The following SND1 variants were observed in gnomAD, a reference collection of about 807,000 sequenced individuals.
The protein encoded by SND1 is staphylococcal nuclease domain-containing protein 1.
In SND1, 38 loss-of-function variants were observed where a neutral mutation model predicts 121.7. The ratio of observed to expected loss-of-function variants is 0.31; its 90% CI spans 0.24 to 0.41. SND1 has a LOEUF of 0.41. Ranked by LOEUF, SND1 falls within the 10% of genes least tolerant of loss-of-function variation. The pLI is 1.00. For synonymous variants in SND1, 401 were observed against 447.4 expected (o/e 0.90, Z 1.31); for missense variants, 868 against 1,184.6 (o/e 0.73, Z 3.92).
At position 128,075,866 on chromosome 7, in the gene SND1, C is replaced by T. The variant is rs563943884; in HGVS notation, c.1968+1176C>T. ...CAGCTCCTATAGGAAAGGAGTCACACGGCTTCTTCCTGGATTTCCTGCTTG... is the reference window on the plus strand; with the variant it reads ...CAGCTCCTATAGGAAAGGAGTCACATGGCTTCTTCCTGGATTTCCTGCTTG... On this transcript the variant is annotated intron_variant, in intron 17 of 23. Coordinates refer to ENST00000354725, the MANE Select transcript of SND1 (RefSeq NM_014390.4). Among the ~76,000 whole-genome samples, 13 of 152,372 alleles carry T rather than the reference C, an allele frequency of 8.5e-5. 1 individual carries two copies. Among genetic ancestry groups the T allele is most frequent in the South Asian group, 4.1e-4 (2 of 4,830 alleles).
chr7:127,977,212 G>T (rs1391618390), intron 15 of SND1, among the ~76,000 whole-genome samples: 1 of 152,162 alleles, frequency 6.6e-6, no homozygotes, highest in African/African-American at 2.4e-5. Flanking sequence ...CAACTAGAAA[G>T]ATATTTTCAG....
At chr7:127,808,750 C>T (rs959180747) in intron 11 of SND1, among the ~76,000 whole-genome samples, 2 of 152,146 alleles carry the variant, frequency 1.3e-5, no homozygotes, top group Non-Finnish European at 2.9e-5. Context: ...AGGTGGAGTA[C>T]GAATGATGGC....
chr7:127,885,512 C>T (rs1799886284), intron 12 of SND1, among the ~76,000 whole-genome samples: 1 of 152,046 alleles, frequency 6.6e-6, no homozygotes, highest in Non-Finnish European at 1.5e-5. Flanking sequence ...ATTTGGGAAT[C>T]TAAGGCCTCA....
chr7:127,785,053 G>C (rs776144763), intron 10 of SND1, among the ~76,000 whole-genome samples: 2 of 152,166 alleles, frequency 1.3e-5, no homozygotes. Flanking sequence ...CTCCCAAGTA[G>C]CTGGGACTAC....
intron 10 of SND1, among the ~76,000 whole-genome samples, chr7:127,788,246 T>C (rs1201099675): frequency 1.3e-5 from 2 of 152,200 alleles, no homozygotes; most frequent in Non-Finnish European, 1.5e-5. Context: ...CAAATATTAA[T>C]TGAGTGTATA....
rs751891695 is a variant in SND1, at chr7:127,707,537, C to T, written c.948-20C>T. On this transcript the variant is annotated intron_variant, in intron 8 of 23. Coordinates refer to ENST00000354725, the MANE Select transcript of SND1 (RefSeq NM_014390.4). ...CATTTGCTGAGTCTGAATGATCTTG[C>T]ATCCTTGCTTTGTTGCCAGGTTTGC... 1 of 1,608,508 alleles carries T rather than the reference C, an allele frequency of 6.2e-7. No homozygotes were observed. The highest frequency in any genetic ancestry group is 1.7e-5 in the Admixed American group (1 of 60,010).
chr7:127,955,818 T>C (rs1385928877), intron 15 of SND1, among the ~76,000 whole-genome samples: 1 of 152,218 alleles, frequency 6.6e-6, no homozygotes, highest in African/African-American at 2.4e-5. Context: ...GCTCACATCA[T>C]GCCCTGCTTA....
Position 128,028,318 on chromosome 7 carries a change from C to G in SND1, c.1779+37262C>G, listed in dbSNP as rs187990111. ...TGACAGATTCAGTCTATCCCTCTTG[C>G]CCCCTCAGCAGCCCACACCCTACCT... On this transcript the variant is annotated intron_variant, in intron 16 of 23. Transcript: ENST00000354725. 2.9e-3 allele frequency: 531 copies of G among 186,150 alleles called. 18 individuals are homozygous for G. Among genetic ancestry groups the G allele is most frequent in the Admixed American group, 0.027 (492 of 18,486 alleles). 11.5% of individuals were successfully genotyped at this position (186,150 alleles called of 1,614,324 possible).
intron 1 of SND1, among the ~76,000 whole-genome samples, chr7:127,677,503 A>G (rs1244962296): frequency 1.5e-4 from 23 of 152,180 alleles, no homozygotes. Context: ...AGACGACCAT[A>G]AAACTAGTTT....
chr7:127,959,971 A>T (rs1563071354), intron 15 of SND1, among the ~76,000 whole-genome samples: 1 of 152,174 alleles, frequency 6.6e-6, no homozygotes, highest in Non-Finnish European at 1.5e-5. Flanking sequence ...GAGTTCATTG[A>T]TGTTCCCTCT....
chr7:127,866,017 A>G (rs1181081083), intron 12 of SND1, among the ~76,000 whole-genome samples: 1 of 151,998 alleles, frequency 6.6e-6, no homozygotes, highest in Non-Finnish European at 1.5e-5. Context: ...ATTAAAATGA[A>G]GGTTTCAAAC....
At chr7:128,086,647 G>A in intron 20 of SND1, 1 of 470,722 alleles carries the variant, frequency 2.1e-6, no homozygotes, top group Non-Finnish European at 3.9e-6. Context: ...GGAGGAAATG[G>A]AAAAGCGATT....
chr7:128,029,602 A>C lies in SND1; in HGVS notation c.1779+38546A>C, dbSNP rs770845437. The C allele has an allele frequency of 6.2e-7, 1 of 1,614,058 alleles. No homozygotes were observed. The highest frequency in any genetic ancestry group is 8.5e-7 in the Non-Finnish European group (1 of 1,180,012). On this transcript the variant is annotated intron_variant, in intron 16 of 23. Coordinates refer to ENST00000354725, the MANE Select transcript of SND1 (RefSeq NM_014390.4). The surrounding 1 kb of genome is among the most constrained non-coding windows in gnomAD (Gnocchi z 4.2). ...ATGAAGGGGGCAGAGCACTGGAAGGAGGCCTGGTCCACCTCCACGAGGTAG... is the reference window on the plus strand; with the variant it reads ...ATGAAGGGGGCAGAGCACTGGAAGGCGGCCTGGTCCACCTCCACGAGGTAG...
intron 16 of SND1, among the ~76,000 whole-genome samples, chr7:128,024,672 G>A (rs1803433472): frequency 6.6e-6 from 1 of 152,204 alleles, no homozygotes; most frequent in Admixed American, 6.5e-5. Flanking sequence ...CCATGATAAA[G>A]CTAATGTCTC....
At chr7:127,969,442 T>C (rs764215185) in intron 15 of SND1, among the ~76,000 whole-genome samples, 9 of 152,156 alleles carry the variant, frequency 5.9e-5, no homozygotes, top group Non-Finnish European at 1.0e-4. Flanking sequence ...ACTCCAGCTT[T>C]AGGCTGGGCG....
At chr7:127,812,629 T>C (rs898600966) in intron 11 of SND1, among the ~76,000 whole-genome samples, 1 of 152,208 alleles carries the variant, frequency 6.6e-6, no homozygotes, top group African/African-American at 2.4e-5. Context: ...CTGTAGGTGC[T>C]TGTTCCACTG....
chr7:127,878,439 G>C (rs1799730112), intron 12 of SND1, among the ~76,000 whole-genome samples: 1 of 152,168 alleles, frequency 6.6e-6, no homozygotes, highest in Admixed American at 6.5e-5. Flanking sequence ...TATAACCACA[G>C]CTGTGCTGGT....
In SND1 at chr7:128,029,852, G is replaced by A. The variant is rs376635935; in HGVS notation, c.1779+38796G>A. On this transcript the variant is annotated intron_variant, in intron 16 of 23. Coordinates refer to ENST00000354725, the MANE Select transcript of SND1 (RefSeq NM_014390.4). The surrounding 1 kb of genome is among the most constrained non-coding windows in gnomAD (Gnocchi z 4.2). ...TGAGTTCCACAAGTGAAGCCAGCCC[G>A]TCAAAAGCATTCCGCTCAATCAGGC... 8.1e-6 allele frequency: 13 copies of A among 1,613,366 alleles called. No homozygotes were observed. The highest frequency in any genetic ancestry group is 2.2e-5 in the South Asian group (2 of 91,092).
rs767648332 is a variant in SND1, at chr7:127,954,019, T to C, written c.1669+24690T>C. Among the ~76,000 whole-genome samples the C allele has an allele frequency of 7.2e-5, 11 of 152,224 alleles. No individual in the cohort carries two copies. The South Asian group carries it at 8.3e-4, about 11-fold the overall frequency. ...GGAAATTGAATTGGCTTTAAATATA[T>C]ATATATTTGCTATCTTACAAGCTCC... On this transcript the variant is annotated intron_variant, in intron 15 of 23. Transcript: ENST00000354725.
Sources: allele counts gnomAD v4.1 joint callset (sites outside exome capture counted in the v4.1 genomes callset), GRCh38; gene constraint gnomAD v4.1.1; non-coding constraint Gnocchi (gnomAD v3.1); transcripts MANE v1.5; gene names NCBI Gene and HGNC (gene_info 2026-07-23, HGNC 2026-07-21).